Variants in KMT2C observed in about 807,000 individuals in gnomAD.
KMT2C encodes histone-lysine N-methyltransferase 2C.
Under a neutral mutation model 507.9 loss-of-function variants are expected in KMT2C, and 88 were observed. The observed-to-expected ratio is 0.17, with a 90% CI of 0.15 to 0.21. The LOEUF (loss-of-function observed/expected upper bound fraction) is 0.21. KMT2C is among the 10% of genes least tolerant of loss of function. KMT2C has a pLI of 1.00. For missense variants in KMT2C, 4,954 were observed against 5,957.8 expected (o/e 0.83, Z 5.55); for synonymous variants, 2,049 against 2,080.8 (o/e 0.98, Z 0.42).
rs1427502918 is a variant in KMT2C at position 152,148,572 on chromosome 7, A to G, written c.13355T>C (p.Leu4452Pro). 6 of 1,614,106 alleles carry G rather than the reference A, an allele frequency of 3.7e-6. No individual in the cohort carries two copies. The highest frequency in any genetic ancestry group is 5.1e-6 in the Non-Finnish European group (6 of 1,180,052). ...CATTTGTAGGCCTCTCCTCAGAGCT[A>G]GCTCCACATTTATTAAGGCACCAGC... Reference protein sequence around the residue: ...TQAGALINVELALRRGLQMKC... With the variant: ...TQAGALINVEPALRRGLQMKC... The change falls in exon 52 of 59, where the codon CTA (leucine) becomes CCA (proline). Residue 4452 changes from leucine to proline, a missense_variant. Physicochemically the swap from Leu to Pro is moderately conservative, Grantham distance 98 (BLOSUM62 -3). Coordinates refer to ENST00000262189, the MANE Select transcript of KMT2C (RefSeq NM_170606.3). The surrounding 1 kb of genome is among the most constrained non-coding windows in gnomAD (Gnocchi z 7.1).
intron 9 of KMT2C, among the ~76,000 whole-genome samples, chr7:152,255,133 A>G (rs867583785): frequency 7.7e-5 from 10 of 129,760 alleles, no homozygotes; most frequent in African/African-American, 2.7e-4. Context: ...ATATATATAT[A>G]TATATATATA....
chr7:152,414,611 CTT>C (rs904538805), intron 1 of KMT2C, among the ~76,000 whole-genome samples: 6 of 142,390 alleles, frequency 4.2e-5, no homozygotes, highest in Admixed American at 7.1e-5. Context: ...TGGAAAAAAT[CTT>C]TTTTTTTTTT....
At chr7:152,364,871 A>G (rs1286426690) in intron 1 of KMT2C, among the ~76,000 whole-genome samples, 1 of 151,812 alleles carries the variant, frequency 6.6e-6, no homozygotes, top group Non-Finnish European at 1.5e-5. Flanking sequence ...ATTAGCTGTA[A>G]ATTTTAAAAG....
intron 15 of KMT2C, among the ~76,000 whole-genome samples, chr7:152,238,001 CA>C (rs200276191): frequency 0.012 from 1,689 of 144,934 alleles, no homozygotes; most frequent in African/African-American, 0.041. Context: ...TGGATGATAT[CA>C]GGGGGAGGTA....
chr7:152,324,706 G>C (rs2096809485), intron 3 of KMT2C, among the ~76,000 whole-genome samples: 1 of 151,950 alleles, frequency 6.6e-6, no homozygotes, highest in South Asian at 2.1e-4. Flanking sequence ...AGTTACTTCA[G>C]ACCTACATGG....
At chr7:152,349,767 A>G (rs114603253) in intron 2 of KMT2C, among the ~76,000 whole-genome samples, 1 of 152,114 alleles carries the variant, frequency 6.6e-6, no homozygotes, top group Non-Finnish European at 1.5e-5. Context: ...ACCAAGAGTG[A>G]ACCCTTATGT....
chr7:152,435,649 G>C lies in KMT2C; in HGVS notation c.138C>G (p.Ser46=), dbSNP rs770614443. ...ACTTCTTTCTGGCTCTCTGGAAAGG[G>C]GAAGCGCCATCTTTGCGAGGCCGGC... ...PRGRPRKDGA[S]PFQRARKKPR... Residue 46 remains serine (S), a synonymous_variant, in exon 1 of 59, where the codon TCC becomes TCG. Coordinates refer to ENST00000262189, the MANE Select transcript of KMT2C (RefSeq NM_170606.3). 12 of 1,541,568 alleles carry C rather than the reference G, an allele frequency of 7.8e-6. No individual in the cohort carries two copies. Among genetic ancestry groups the C allele is most frequent in the Non-Finnish European group, 1.0e-5 (12 of 1,143,008 alleles).
chr7:152,157,084 T>TA (rs1308726596), intron 44 of KMT2C, among the ~76,000 whole-genome samples: 1 of 151,918 alleles, frequency 6.6e-6, no homozygotes, highest in East Asian at 1.9e-4. Context: ...TGAGTTAAGA[T>TA]AGTTTTTTTT....
chr7:152,296,067 CAAA>C (rs34144566), intron 6 of KMT2C, among the ~76,000 whole-genome samples: 172 of 45,430 alleles, frequency 3.8e-3, no homozygotes, highest in African/African-American at 0.014. Context: ...GACTCCGTCT[CAAA>C]AAAAAAAAAA....
chr7:152,421,734 G>A (rs1437292290), intron 1 of KMT2C, among the ~76,000 whole-genome samples: 2 of 152,120 alleles, frequency 1.3e-5, no homozygotes, highest in East Asian at 1.9e-4. Flanking sequence ...AGGCTTACTC[G>A]AGGGTGGAGG....
At chr7:152,192,288 A>T (rs1273251547) in intron 31 of KMT2C, among the ~76,000 whole-genome samples, 1 of 152,224 alleles carries the variant, frequency 6.6e-6, no homozygotes, top group Non-Finnish European at 1.5e-5. Flanking sequence ...CACGCCTGTA[A>T]TCCCAGCACT....
intron 34 of KMT2C, among the ~76,000 whole-genome samples, chr7:152,184,854 T>C (rs1309485679): frequency 1.3e-5 from 2 of 152,240 alleles, no homozygotes. Context: ...TCTGGCTCAC[T>C]GAAGCCTCAA....
At chr7:152,338,457 A>C in intron 2 of KMT2C, among the ~76,000 whole-genome samples, 1 of 152,186 alleles carries the variant, frequency 6.6e-6, no homozygotes, top group Admixed American at 6.5e-5. Flanking sequence ...TGGTAAGCAC[A>C]TGGCATGATG....
chr7:152,322,860 G>C (rs767429209), intron 3 of KMT2C, among the ~76,000 whole-genome samples: 1 of 152,006 alleles, frequency 6.6e-6, no homozygotes, highest in Non-Finnish European at 1.5e-5. Context: ...CAAAGGACCT[G>C]AACAGACATT....
At chr7:152,268,348 TTACTTTTACCCATA>T (rs1275522407) in intron 7 of KMT2C, among the ~76,000 whole-genome samples, 1 of 152,192 alleles carries the variant, frequency 6.6e-6, no homozygotes, top group Admixed American at 6.5e-5. Flanking sequence ...TTGTTGAATA[TTACTTTTACCCATA>T]TGCTTACAAG....
rs2129101556 is a variant in KMT2C, at chr7:152,158,986, C to T, written c.11547G>A (p.Gln3849=). The T allele has an allele frequency of 1.2e-6, 2 of 1,614,240 alleles. No individual in the cohort carries two copies. Among genetic ancestry groups the T allele is most frequent in the Non-Finnish European group, 8.5e-7 (1 of 1,180,044 alleles). The change falls in exon 44 of 59, where the codon CAG becomes CAA. Residue 3849 remains glutamine (Q), a synonymous_variant. Coordinates refer to ENST00000262189, the MANE Select transcript of KMT2C (RefSeq NM_170606.3). ...KTDGGSETKK[Q]RSKRTQRTGE... is the part of the protein sequence containing the mutation. ...CCGTCCTCTGAGTCCGTTTGCTTCG[C>T]TGTTTCTTGGTTTCACTTCCTCCAT...
intron 1 of KMT2C, among the ~76,000 whole-genome samples, chr7:152,396,510 G>GCC (rs1431254901): frequency 6.6e-6 from 1 of 152,154 alleles, no homozygotes; most frequent in East Asian, 1.9e-4. Flanking sequence ...ATTATGAAAG[G>GCC]CTCCATAAAT....
At position 152,182,999 on chromosome 7, in the gene KMT2C, T is replaced by G. The variant is rs1401680932; in HGVS notation, c.5240A>C (p.His1747Pro). Residue 1747 changes from histidine to proline, a missense_variant, in exon 35 of 59, where the codon CAT (histidine) becomes CCT (proline). Physicochemically the swap from His to Pro is moderately conservative, Grantham distance 77. Coordinates refer to ENST00000262189, the MANE Select transcript of KMT2C (RefSeq NM_170606.3). ...CTGTCTAAATTTCCATTCCTGTTCA[T>G]GTTCTGATTCTCTTTGCTTTAAAGG... ...KDPLKQRESE[H>P]EQEWKFRQQM... 1 of 1,600,586 alleles carries G rather than the reference T, an allele frequency of 6.2e-7. No individual in the cohort carries two copies. The highest frequency in any genetic ancestry group is 8.5e-7 in the Non-Finnish European group (1 of 1,176,468).
chr7:152,201,754 GA>G (rs1219535888), intron 26 of KMT2C, among the ~76,000 whole-genome samples: 1 of 150,850 alleles, frequency 6.6e-6, no homozygotes, highest in African/African-American at 2.4e-5. Context: ...AAACATGTAT[GA>G]AGGATATACA....
Sources: gnomAD v4.1 joint callset for allele counts (sites outside exome capture counted in the v4.1 genomes callset) on GRCh38, gnomAD v4.1.1 for gene constraint, Gnocchi (gnomAD v3.1) non-coding constraint, MANE v1.5 for transcripts, NCBI Gene and HGNC (gene_info 2026-07-23, HGNC 2026-07-21) for gene names.